The following ARL6 variants were observed in gnomAD, a reference collection of about 807,000 sequenced individuals.
The protein encoded by ARL6 is ARF like GTPase 6, also known as ADP-ribosylation factor-like protein 6.
ARL6 carries 18 observed loss-of-function variants against 27.1 expected under a neutral mutation model. The observed-to-expected ratio is 0.66, with a 90% CI of 0.46 to 0.98. The LOEUF is 0.98. Ranked by LOEUF, ARL6 falls within the 50% of genes least tolerant of loss-of-function variation. The pLI is 0.00. For missense variants in ARL6, 187 were observed against 214.9 expected, an observed-to-expected ratio of 0.87 and a Z score of 0.81; for synonymous variants, 65 against 72.3, an observed-to-expected ratio of 0.90 and a Z score of 0.51.
rs750346766 is a variant in ARL6, at chr3:97,768,162, C to G, written c.55C>G (p.His19Asp). ...GCTTGGCCTGAAGAAGAAGGAGGTT[C>G]ATGTTTTGTGCCTTGGGCTAGATAA... ...VLLGLKKKEV[H>D]VLCLGLDNSG... is the part of the protein sequence containing the mutation. Residue 19 changes from histidine (H) to aspartate (D), a missense_variant, in exon 2 of 8, where the codon CAT becomes GAT. His to Asp is a moderately conservative substitution (Grantham distance 81). Coordinates refer to ENST00000463745, the MANE Select transcript of ARL6 (RefSeq NM_001278293.3). 10 of 1,612,946 alleles carry G rather than the reference C, an allele frequency of 6.2e-6. No homozygotes were observed. Among genetic ancestry groups the G allele is most frequent in the Non-Finnish European group, 8.5e-6 (10 of 1,179,200 alleles).
intron 2 of ARL6, among the ~76,000 whole-genome samples, chr3:97,775,887 T>A (rs1424661415): frequency 6.6e-6 from 1 of 152,240 alleles, no homozygotes; most frequent in Non-Finnish European, 1.5e-5. Context: ...CATTTGATGA[T>A]GAAGATAATG....
chr3:97,780,100 T>A (rs1282060049), intron 2 of ARL6, 59 bp from the exon 3 acceptor site: 1 of 1,389,224 alleles, frequency 7.2e-7, no homozygotes, highest in Non-Finnish European at 1.0e-6. Flanking sequence ...ATACTTTAAC[T>A]TGAGGAAAAC....
chr3:97,786,457 A>C (rs2037462798), intron 5 of ARL6, among the ~76,000 whole-genome samples: 1 of 152,240 alleles, frequency 6.6e-6, no homozygotes, highest in South Asian at 2.1e-4. Flanking sequence ...TTGAGCAGTA[A>C]AATGAAATAG....
At chr3:97,792,251 T>G (rs1037248251) in intron 7 of ARL6, among the ~76,000 whole-genome samples, 1 of 152,146 alleles carries the variant, frequency 6.6e-6, no homozygotes, top group African/African-American at 2.4e-5. Flanking sequence ...CCCAGCACTT[T>G]GGGAGGCCGA....
At chr3:97,768,033 A>T in intron 1 of ARL6, 48 bp from the exon 2 acceptor site, 1 of 1,552,778 alleles carries the variant, frequency 6.4e-7, no homozygotes, top group Non-Finnish European at 8.9e-7. Context: ...AATATTTTCC[A>T]TAACTTAAGG....
intron 4 of ARL6, among the ~76,000 whole-genome samples, chr3:97,781,200 ATAT>A (rs1387672148): frequency 6.6e-5 from 10 of 151,776 alleles, no homozygotes; most frequent in African/African-American, 2.4e-4. Context: ...AGGCCAGTAA[ATAT>A]TATTGACTAA....
intron 4 of ARL6, among the ~76,000 whole-genome samples, chr3:97,782,567 C>T (rs1204393153): frequency 6.6e-6 from 1 of 151,708 alleles, no homozygotes; most frequent in Non-Finnish European, 1.5e-5. Flanking sequence ...ATAAAGTATG[C>T]TCTTGTCAAA....
chr3:97,764,721 G>C (rs976165291), upstream of ARL6: 2 of 152,368 alleles, frequency 1.3e-5, no homozygotes, highest in South Asian at 4.1e-4. Context: ...CTTCAGGACC[G>C]GAAGAAGCTC....
intron 4 of ARL6, among the ~76,000 whole-genome samples, chr3:97,784,561 A>G (rs916448071): frequency 2.6e-5 from 4 of 151,688 alleles, no homozygotes; most frequent in African/African-American, 7.2e-5. Flanking sequence ...AAATACATAT[A>G]TAGTTTATTC....
chr3:97,795,007 G>A (rs1391580526), intron 7 of ARL6, among the ~76,000 whole-genome samples: 1 of 152,164 alleles, frequency 6.6e-6, no homozygotes. Flanking sequence ...AACTCTGGGG[G>A]TGGAGGTTGC....
chr3:97,771,472 G>C (rs2036632327), intron 2 of ARL6, among the ~76,000 whole-genome samples: 1 of 151,966 alleles, frequency 6.6e-6, no homozygotes, highest in Non-Finnish European at 1.5e-5. Flanking sequence ...AGGATAATTT[G>C]AGTTATTTCT....
chr3:97,766,983 T>A (rs943944091), intron 1 of ARL6, among the ~76,000 whole-genome samples: 3 of 152,140 alleles, frequency 2.0e-5, no homozygotes, highest in Admixed American at 6.5e-5. Context: ...AAGTTTAGTT[T>A]GGAGACCTGA....
chr3:97,775,270 G>T lies in ARL6; in HGVS notation c.124-4889G>T, dbSNP rs6783686. ...GATAGATAGATATACATATAAAGGG[G>T]AGTTTATTAAGTAGTATTAACTCAC... is the stretch of plus-strand genomic sequence containing the variant. On this transcript the variant is annotated intron_variant, in intron 2 of 7. Coordinates refer to ENST00000463745, the MANE Select transcript of ARL6 (RefSeq NM_001278293.3). Among the ~76,000 whole-genome samples the T allele has an allele frequency of 4.1e-3, 629 of 152,248 alleles. 7 individuals are homozygous for T. The highest frequency in any genetic ancestry group is 0.015 in the African/African-American group (607 of 41,526).
At chr3:97,770,649 T>C (rs2036592998) in intron 2 of ARL6, among the ~76,000 whole-genome samples, 2 of 152,136 alleles carry the variant, frequency 1.3e-5, no homozygotes, top group Non-Finnish European at 2.9e-5. Flanking sequence ...CCTAGTACTT[T>C]GATAGTTTTG....
chr3:97,766,571 C>G (rs892936347), intron 1 of ARL6: 3 of 152,182 alleles, frequency 2.0e-5, no homozygotes, highest in African/African-American at 7.2e-5. Flanking sequence ...TTTGAAATTT[C>G]TACCCATAAT....
At chr3:97,773,968 C>T (rs1382245607) in intron 2 of ARL6, among the ~76,000 whole-genome samples, 1 of 152,230 alleles carries the variant, frequency 6.6e-6, no homozygotes, top group African/African-American at 2.4e-5. Flanking sequence ...ATATGTAGTC[C>T]TGCCAGATTG....
intron 2 of ARL6, among the ~76,000 whole-genome samples, chr3:97,778,351 C>G (rs754233138): frequency 1.3e-5 from 2 of 152,038 alleles, no homozygotes; most frequent in Non-Finnish European, 2.9e-5. Flanking sequence ...GCTAAGTAAA[C>G]AAACTTCAGA....
chr3:97,791,690 A>G, intron 6 of ARL6, 81 bp from the exon 7 acceptor site: 1 of 1,304,650 alleles, frequency 7.7e-7, no homozygotes, highest in Non-Finnish European at 1.1e-6. Flanking sequence ...TTAATTCTCC[A>G]TATGGCAAAA....
chr3:97,767,244 A>C (rs943962941), intron 1 of ARL6, among the ~76,000 whole-genome samples: 7 of 152,178 alleles, frequency 4.6e-5, no homozygotes, highest in African/African-American at 1.7e-4. Context: ...CTAAATTAAA[A>C]TCTACAATCA....
Sources: allele counts gnomAD v4.1 joint callset (sites outside exome capture counted in the v4.1 genomes callset), GRCh38; gene constraint gnomAD v4.1.1; transcripts MANE v1.5; gene names NCBI Gene and HGNC (gene_info 2026-07-23, HGNC 2026-07-21).